The following CREBBP variants were observed in gnomAD, a reference collection of about 807,000 sequenced individuals.
CREBBP encodes the protein CREB binding lysine acetyltransferase.
Under a neutral mutation model 265.0 loss-of-function variants are expected in CREBBP, and 19 were observed. The observed-to-expected ratio is 0.07, with a 90% CI of 0.05 to 0.11. CREBBP has a LOEUF of 0.11. Among genes scored for constraint, CREBBP ranks in the 10% least tolerant of loss-of-function variants. The pLI, the probability that CREBBP is intolerant of heterozygous loss-of-function variation, is 1.00. For synonymous variants in CREBBP, 1,457 were observed against 1,223.7 expected, an observed-to-expected ratio of 1.19 and a Z score of -3.98; for missense variants, 2,525 against 3,219.0, an observed-to-expected ratio of 0.78 and a Z score of 5.22.
Position 3,731,764 on chromosome 16 carries a change from G to C in CREBBP, c.4890+12C>G, listed in dbSNP as rs1227445886. On this transcript the variant is annotated intron_variant, in intron 29 of 30. Transcript: ENST00000262367. This position sits in a 1 kb window ranked among gnomAD's most constrained non-coding sequence, Gnocchi z 7.7. ...CCAGAGGCACGGCTGCAGCACCGCA[G>C]CCCACGCCTACCTCCTTGTGCTTCT... 1 of 1,614,216 alleles carries C rather than the reference G, an allele frequency of 6.2e-7. No individual in the cohort carries two copies. The highest frequency in any genetic ancestry group is 8.5e-7 in the Non-Finnish European group (1 of 1,180,034).
chr16:3,780,880 T>A lies in CREBBP; in HGVS notation c.1677-2A>T, dbSNP rs2141245925. On this transcript the variant is annotated splice_acceptor_variant, in intron 7 of 30. Transcript: ENST00000262367. LOFTEE classifies it high-confidence loss of function. Reference sequence around the variant, plus strand: ...TTGGAGCCATCGTTCATCAGTGGGCTAAGGAGGAAATAAAGACACTTCATC... The same window carrying A: ...TTGGAGCCATCGTTCATCAGTGGGCAAAGGAGGAAATAAAGACACTTCATC... 1 of 1,613,268 alleles carries A rather than the reference T, an allele frequency of 6.2e-7. No individual in the cohort carries two copies.
intron 2 of CREBBP, among the ~76,000 whole-genome samples, chr16:3,822,650 A>G (rs1315500813): frequency 6.6e-6 from 1 of 152,210 alleles, no homozygotes; most frequent in East Asian, 1.9e-4. Flanking sequence ...GCCAAAGAAG[A>G]TCTTGCCCAG....
chr16:3,849,436 T>TGTGTGTGTGTGTGTGTGTGTG (rs2054758559), intron 2 of CREBBP, among the ~76,000 whole-genome samples: 3 of 11,408 alleles, frequency 2.6e-4, no homozygotes, highest in Non-Finnish European at 1.2e-3. Flanking sequence ...TGTGTGTGTG[T>TGTGTGTGTGTGTGTGTGTGTG]GTGTGTGTGT....
intron 5 of CREBBP, among the ~76,000 whole-genome samples, chr16:3,785,992 A>C (rs1040438854): frequency 6.6e-6 from 1 of 152,208 alleles, no homozygotes; most frequent in Non-Finnish European, 1.5e-5. Flanking sequence ...ACAAAAGGCC[A>C]AGTTTTATAG....
chr16:3,747,913 C>A (rs1018082216), intron 21 of CREBBP, among the ~76,000 whole-genome samples: 16 of 152,074 alleles, frequency 1.1e-4, no homozygotes, highest in Admixed American at 1.0e-3. Flanking sequence ...CATGGTGAAA[C>A]CCCGTCTCTA....
At chr16:3,771,516 G>C (rs987185586) in intron 13 of CREBBP, among the ~76,000 whole-genome samples, 13 of 152,062 alleles carry the variant, frequency 8.5e-5, no homozygotes, top group African/African-American at 2.4e-4. Flanking sequence ...AACAACCATT[G>C]AAACTTATGG....
chr16:3,774,245 C>G (rs1198686102), intron 12 of CREBBP, among the ~76,000 whole-genome samples: 1 of 152,198 alleles, frequency 6.6e-6, no homozygotes, highest in Non-Finnish European at 1.5e-5. Context: ...AAAGCAGCCT[C>G]GGAACAGCGA....
chr16:3,793,652 T>C, intron 3 of CREBBP, 26 bp from the exon 4 acceptor site: 1 of 1,609,400 alleles, frequency 6.2e-7, no homozygotes, highest in Non-Finnish European at 8.5e-7. Flanking sequence ...ATAATAAAAA[T>C]ACTTTAACCT....
chr16:3,771,287 T>G (rs2053002332), intron 13 of CREBBP, among the ~76,000 whole-genome samples: 1 of 152,094 alleles, frequency 6.6e-6, no homozygotes, highest in East Asian at 1.9e-4. Flanking sequence ...CAGGCTGGTC[T>G]CAAACTCCTG....
intron 1 of CREBBP, among the ~76,000 whole-genome samples, chr16:3,862,383 G>T (rs994879026): frequency 1.3e-5 from 2 of 152,094 alleles, no homozygotes; most frequent in African/African-American, 4.8e-5. Flanking sequence ...CCATACGGTG[G>T]GAAGGGCCTC....
chr16:3,880,162 G>GCGGCCC lies in CREBBP; in HGVS notation c.-252_-247dup, dbSNP rs1184650111. 8.0e-6 allele frequency: 1 copy of GCGGCCC among 124,652 alleles called. No homozygotes were observed. The highest frequency in any genetic ancestry group is 2.6e-4 in the East Asian group (1 of 3,860). 7.7% of individuals were successfully genotyped at this position (124,652 alleles called of 1,614,324 possible). On this transcript the variant is annotated 5_prime_UTR_variant, in exon 1 of 31. Coordinates refer to ENST00000262367, the MANE Select transcript of CREBBP (RefSeq NM_004380.3). ...CCGGCCGCCGCCGCCGCCGCCGGCC[G>GCGGCCC]CGGCCCCCTCATCCCCTGCCCGCCT...
At chr16:3,734,089 C>A (rs971300865) in intron 28 of CREBBP, among the ~76,000 whole-genome samples, 3 of 152,200 alleles carry the variant, frequency 2.0e-5, no homozygotes, top group Non-Finnish European at 4.4e-5. Context: ...ACATTTGTCT[C>A]CGTGTTTGCG....
At chr16:3,769,640 T>C (rs1367898687) in intron 14 of CREBBP, among the ~76,000 whole-genome samples, 3 of 152,186 alleles carry the variant, frequency 2.0e-5, no homozygotes, top group Admixed American at 6.5e-5. Context: ...AGCTAAATCA[T>C]GAAATCTCAT....
At chr16:3,757,545 C>A (rs1208265195) in intron 18 of CREBBP, among the ~76,000 whole-genome samples, 169 bp from the exon 19 acceptor site, 1 of 152,158 alleles carries the variant, frequency 6.6e-6, no homozygotes, top group African/African-American at 2.4e-5. Context: ...TGTGATAGAA[C>A]TGGCTCTAAG....
intron 3 of CREBBP, among the ~76,000 whole-genome samples, chr16:3,809,200 CAG>C (rs1341301205): frequency 1.3e-5 from 2 of 150,128 alleles, no homozygotes; most frequent in South Asian, 2.1e-4. Context: ...TTTTTTGAGA[CAG>C]AGTCTTGCTC....
chr16:3,852,165 T>C (rs993979549), intron 1 of CREBBP, among the ~76,000 whole-genome samples: 1 of 108,970 alleles, frequency 9.2e-6, no homozygotes, highest in African/African-American at 3.3e-5. Flanking sequence ...TTGTTTTTTT[T>C]TTTTTTTTTT....
intron 13 of CREBBP, among the ~76,000 whole-genome samples, chr16:3,772,391 T>C (rs372091916): frequency 1.3e-4 from 19 of 151,746 alleles, no homozygotes; most frequent in African/African-American, 4.4e-4. Context: ...GAGAACTGTT[T>C]CAGTGCAGTG....
In CREBBP at chr16:3,814,164, A is replaced by AGTGTGTGTGTGTGT. The variant is rs35866243; in HGVS notation, c.799-3399_799-3386dup. Among the ~76,000 whole-genome samples the AGTGTGTGTGTGTGT allele has an allele frequency of 6.3e-4, 76 of 119,766 alleles. 2 individuals are homozygous for AGTGTGTGTGTGTGT. The South Asian group carries it at 6.7e-3, about 11-fold the overall frequency. 78.6% of individuals were successfully genotyped at this position (119,766 alleles called of 152,430 possible). A position where few individuals can be genotyped will look rare whatever the true frequency, so the allele number is the denominator to read the frequency against. ...CTTTTCTAACTGGTCAATGTTGTTTAGTGTGTGTGTGTGTGTGTGTGTGTG... is the reference window on the plus strand; with the variant it reads ...CTTTTCTAACTGGTCAATGTTGTTTAGTGTGTGTGTGTGTGTGTGTGTGTGTGTGTGTGTGTGTG... On this transcript the variant is annotated intron_variant, in intron 2 of 30. Transcript: ENST00000262367.
intron 28 of CREBBP, among the ~76,000 whole-genome samples, chr16:3,734,550 G>A (rs531436984): frequency 3.2e-4 from 48 of 152,132 alleles, no homozygotes; most frequent in Non-Finnish European, 5.9e-4. Flanking sequence ...GTAACCTCCC[G>A]TGTCACCCTT....
Sources: gnomAD v4.1 joint callset for allele counts (sites outside exome capture counted in the v4.1 genomes callset) on GRCh38, gnomAD v4.1.1 for gene constraint, Gnocchi (gnomAD v3.1) non-coding constraint, MANE v1.5 for transcripts, NCBI Gene and HGNC (gene_info 2026-07-23, HGNC 2026-07-21) for gene names.